SYCP1: variants seen among roughly 807,000 people sequenced by gnomAD.
The protein encoded by SYCP1 is cancer/testis antigen 8.
A neutral mutation model predicts 153.1 loss-of-function variants in SYCP1; 64 were observed. That is an observed-to-expected ratio of 0.42 (90% CI 0.34 to 0.51). The LOEUF is 0.51. Ranked by LOEUF, SYCP1 falls within the 20% of genes least tolerant of loss-of-function variation. SYCP1 has a pLI of 0.06. For missense variants in SYCP1, 997 were observed against 1,049.0 expected, an observed-to-expected ratio of 0.95 and a Z score of 0.68; for synonymous variants, 384 against 341.8, an observed-to-expected ratio of 1.12 and a Z score of -1.36.
chr1:114,887,073 G>T (rs1233381852), intron 14 of SYCP1, among the ~76,000 whole-genome samples: 1 of 152,014 alleles, frequency 6.6e-6, no homozygotes, highest in Non-Finnish European at 1.5e-5. Flanking sequence ...TTTCTCTGTT[G>T]CTTGTGCATG....
At chr1:114,968,025 T>C (rs1371939755) in intron 27 of SYCP1, among the ~76,000 whole-genome samples, 1 of 152,244 alleles carries the variant, frequency 6.6e-6, no homozygotes, top group East Asian at 1.9e-4. Context: ...TTCTGGCTTG[T>C]AGGGTTTCTG....
intron 27 of SYCP1, among the ~76,000 whole-genome samples, chr1:114,963,461 G>T (rs1671907618): frequency 6.6e-6 from 1 of 152,082 alleles, no homozygotes; most frequent in Admixed American, 6.5e-5. Context: ...TGCCATGGTG[G>T]TTTGCTGCAC....
rs202097908 is a variant in SYCP1 at position 114,995,011 on chromosome 1, T to A, written c.2923T>A (p.Phe975Ile). ...AAAACTAAAAGAAGCTGAAAAGTTA[T>A]TTGTTTAATTTCAGAGAATCAGTGT... ...KKKLKEAEKL[F>I]V is the part of the protein sequence containing the mutation. The change falls in exon 32 of 32, where the codon TTT (phenylalanine) becomes ATT (isoleucine). Residue 975 changes from phenylalanine to isoleucine, a missense_variant. Around this residue, in one of 2 missense-constraint regions of SYCP1, gnomAD observed 712 missense variants for 682.9 expected, o/e 1.04. Coordinates refer to ENST00000369522, the MANE Select transcript of SYCP1 (RefSeq NM_003176.4). 5.7e-5 allele frequency: 91 copies of A among 1,597,252 alleles called. No homozygotes were observed. The highest frequency in any genetic ancestry group is 7.4e-5 in the Non-Finnish European group (87 of 1,173,450).
intron 12 of SYCP1, among the ~76,000 whole-genome samples, chr1:114,879,118 T>G (rs903539417): frequency 1.3e-5 from 2 of 152,168 alleles, no homozygotes; most frequent in Non-Finnish European, 2.9e-5. Flanking sequence ...TTTGGATCCC[T>G]TTATGAAGGA....
rs1665664689 is a variant in SYCP1, at chr1:114,878,100, C to T, written c.808C>T (p.Leu270=). 6.5e-7 allele frequency: 1 copy of T among 1,536,906 alleles called. No homozygotes were observed. The highest frequency in any genetic ancestry group is 8.9e-7 in the Non-Finnish European group (1 of 1,122,762). ...EINDKEKQVS[L]LLIQITEKEN... is the part of the protein sequence containing the mutation. ...TATTATTTAAATATTTTAGGTATCA[C>T]TACTATTGATCCAAATCACTGAGAA... The change falls in exon 12 of 32, where the codon CTA becomes TTA. Residue 270 remains leucine (L), a synonymous_variant. Coordinates refer to ENST00000369522, the MANE Select transcript of SYCP1 (RefSeq NM_003176.4).
intron 23 of SYCP1, among the ~76,000 whole-genome samples, chr1:114,933,515 C>A (rs566284060): frequency 6.6e-6 from 1 of 152,308 alleles, no homozygotes; most frequent in East Asian, 1.9e-4. Context: ...AATGCAGCTC[C>A]TCGCCAGCAA....
intron 8 of SYCP1, among the ~76,000 whole-genome samples, chr1:114,868,038 G>A (rs1287828703): frequency 6.6e-6 from 1 of 151,708 alleles, no homozygotes; most frequent in Non-Finnish European, 1.5e-5. Flanking sequence ...AGCCTGTTAT[G>A]TGATGGATTA....
At chr1:114,973,622 G>A (rs1032151134) in intron 27 of SYCP1, among the ~76,000 whole-genome samples, 8 of 151,882 alleles carry the variant, frequency 5.3e-5, no homozygotes, top group Non-Finnish European at 7.4e-5. Flanking sequence ...TAGTATTACC[G>A]ATTATAGCAT....
At chr1:114,896,344 T>C (rs1160490057) in intron 16 of SYCP1, among the ~76,000 whole-genome samples, 4 of 152,202 alleles carry the variant, frequency 2.6e-5, no homozygotes, top group Admixed American at 1.3e-4. Flanking sequence ...AATAATAATG[T>C]TTTCAGTGCT....
At chr1:114,948,866 T>C (rs1327889439) in intron 27 of SYCP1, among the ~76,000 whole-genome samples, 1 of 152,234 alleles carries the variant, frequency 6.6e-6, no homozygotes, top group African/African-American at 2.4e-5. Context: ...CTCTTGATGC[T>C]ATTAAACCCT....
chr1:114,903,209 A>T (rs1357541865), intron 16 of SYCP1, among the ~76,000 whole-genome samples: 2 of 152,110 alleles, frequency 1.3e-5, no homozygotes, highest in Non-Finnish European at 2.9e-5. Flanking sequence ...GTTGAGTTTT[A>T]ATTATGCTAA....
chr1:114,921,618 G>T (rs1230648098), intron 20 of SYCP1, among the ~76,000 whole-genome samples: 1 of 150,326 alleles, frequency 6.7e-6, no homozygotes, highest in Non-Finnish European at 1.5e-5. Context: ...GGTGGAGGTT[G>T]CAGTGAGTGA....
intron 27 of SYCP1, among the ~76,000 whole-genome samples, chr1:114,947,811 C>CAAAAAAAAAAA (rs1174716918): frequency 2.3e-5 from 1 of 43,876 alleles, no homozygotes; most frequent in Non-Finnish European, 3.7e-5. Context: ...GACTCCGTCT[C>CAAAAAAAAAAA]AAAAAAAAAA....
chr1:114,859,312 TC>T (rs1450106173), intron 6 of SYCP1, among the ~76,000 whole-genome samples: 1 of 152,160 alleles, frequency 6.6e-6, no homozygotes, highest in Non-Finnish European at 1.5e-5. Context: ...GGTCTTGAAC[TC>T]CTAGACCTCG....
chr1:114,874,448 T>C, intron 8 of SYCP1, 58 bp from the exon 9 acceptor site: 1 of 1,020,736 alleles, frequency 9.8e-7, no homozygotes, highest in Non-Finnish European at 1.5e-6. Context: ...ATTTTGAGTA[T>C]TGTCTTGTTG....
Sources: allele counts gnomAD v4.1 joint callset (sites outside exome capture counted in the v4.1 genomes callset), GRCh38; gene constraint gnomAD v4.1.1; regional missense constraint gnomAD v4.1.1; transcripts MANE v1.5; gene names NCBI Gene and HGNC (gene_info 2026-07-23, HGNC 2026-07-21).